Variants in TGIF1 observed in about 807,000 individuals in gnomAD.
TGIF1 encodes the protein homeobox protein TGIF1.
In TGIF1, 4 loss-of-function variants were observed where a neutral mutation model predicts 19.3. That is an observed-to-expected ratio of 0.21 (90% CI 0.10 to 0.47). The LOEUF is 0.47. TGIF1 is among the 20% of genes least tolerant of loss of function. The pLI, the probability that TGIF1 is intolerant of heterozygous loss-of-function variation, is 0.98. For synonymous variants in TGIF1, 122 were observed against 129.3 expected (o/e 0.94, Z 0.38); for missense variants, 275 against 341.4 (o/e 0.81, Z 1.53).
chr18:3,429,608 A>G (rs1204811369), intron 2 of TGIF1, among the ~76,000 whole-genome samples: 1 of 152,256 alleles, frequency 6.6e-6, no homozygotes, highest in Non-Finnish European at 1.5e-5. Context: ...TTTATGTACA[A>G]TGAAATGTGT....
At chr18:3,449,975 G>C, upstream of TGIF1, 1 of 987,872 alleles carries the variant, frequency 1.0e-6, no homozygotes, top group Non-Finnish European at 1.2e-6. Flanking sequence ...AAAGGATCGT[G>C]TTTCTGGACC....
rs954498803 is a variant in TGIF1 at position 3,451,629 on chromosome 18, T to C, written c.16+1124T>C. 5 of 1,102,814 alleles carry C rather than the reference T, an allele frequency of 4.5e-6. No individual in the cohort carries two copies. The highest frequency in any genetic ancestry group is 1.6e-5 in the African/African-American group (1 of 61,268). 68.3% of individuals were successfully genotyped at this position (1,102,814 alleles called of 1,614,324 possible). A position where few individuals can be genotyped will look rare whatever the true frequency, so the allele number is the denominator to read the frequency against. ...GACCCGGCCCGCTGCGGGGCGTTCC[T>C]GGGGGGTAGCCTCAAGGCCAGCGGG... On this transcript the variant is annotated intron_variant, in intron 1 of 2. Coordinates refer to ENST00000343820, the MANE Select transcript of TGIF1 (RefSeq NM_003244.4). The surrounding 1 kb of genome is among the most constrained non-coding windows in gnomAD (Gnocchi z 5.4).
chr18:3,431,830 C>A (rs940523616), intron 2 of TGIF1, among the ~76,000 whole-genome samples: 40 of 152,142 alleles, frequency 2.6e-4, no homozygotes, highest in African/African-American at 9.2e-4. Flanking sequence ...TCACGTGCCA[C>A]CTAATAAAAT....
At chr18:3,432,360 A>G (rs2082560163) in intron 2 of TGIF1, among the ~76,000 whole-genome samples, 1 of 152,178 alleles carries the variant, frequency 6.6e-6, no homozygotes. Flanking sequence ...TACTCAATAC[A>G]GTGCGTGATC....
At position 3,456,910 on chromosome 18, in the gene TGIF1, G is replaced by A. The variant is rs776618638; in HGVS notation, c.243+330G>A. 5.0e-6 allele frequency: 3 copies of A among 598,148 alleles called. No homozygotes were observed. The highest frequency in any genetic ancestry group is 5.9e-6 in the Non-Finnish European group (2 of 339,006). 37.1% of individuals were successfully genotyped at this position (598,148 alleles called of 1,614,324 possible). Reference sequence around the variant, plus strand: ...GGACGACTTCAGTGAGGTAATTCATGTTATGTCTGTTGACACAGTCATTTG... The same window carrying A: ...GGACGACTTCAGTGAGGTAATTCATATTATGTCTGTTGACACAGTCATTTG... On this transcript the variant is annotated intron_variant, in intron 2 of 2. Transcript: ENST00000343820. This position sits in a 1 kb window ranked among gnomAD's most constrained non-coding sequence, Gnocchi z 4.2.
intron 2 of TGIF1, among the ~76,000 whole-genome samples, chr18:3,435,678 T>C (rs1364225363): frequency 6.6e-6 from 1 of 152,198 alleles, no homozygotes; most frequent in Non-Finnish European, 1.5e-5. Flanking sequence ...ATTCCTTCTG[T>C]AGCTGTCAAG....
At chr18:3,417,743 T>C (rs1429472388) in intron 1 of TGIF1, among the ~76,000 whole-genome samples, 1 of 152,212 alleles carries the variant, frequency 6.6e-6, no homozygotes, top group Admixed American at 6.5e-5. Context: ...TTATATTTCT[T>C]CTTTCTGTTC....
At position 3,451,431 on chromosome 18, in the gene TGIF1, C is replaced by T. The variant is rs955243813; in HGVS notation, c.16+926C>T. On this transcript the variant is annotated intron_variant, in intron 1 of 2. Coordinates refer to ENST00000343820, the MANE Select transcript of TGIF1 (RefSeq NM_003244.4). The surrounding 1 kb of genome is among the most constrained non-coding windows in gnomAD (Gnocchi z 5.4). ...TTTTGAAGTTAACAAAAATTGAGTCCCTGGCTGGGAGGTCCCCCGAGTGTT... is the reference window on the plus strand; with the variant it reads ...TTTTGAAGTTAACAAAAATTGAGTCTCTGGCTGGGAGGTCCCCCGAGTGTT... 3.0e-6 allele frequency: 3 copies of T among 985,288 alleles called. No homozygotes were observed. The African/African-American group carries it at 5.2e-5, about 17-fold the overall frequency. 61.0% of individuals were successfully genotyped at this position (985,288 alleles called of 1,614,324 possible).
At chr18:3,415,074 C>T (rs2082313906) in intron 1 of TGIF1, 1 of 153,900 alleles carries the variant, frequency 6.5e-6, no homozygotes. Context: ...ACCCCTGTCA[C>T]CACCTCTGTC....
intron 2 of TGIF1, among the ~76,000 whole-genome samples, chr18:3,443,721 T>C (rs986766200): frequency 1.3e-5 from 2 of 151,870 alleles, no homozygotes; most frequent in African/African-American, 2.4e-5. Flanking sequence ...GAATTCACCA[T>C]GGGGTTTCAC....
chr18:3,415,519 G>A (rs1482152290), intron 1 of TGIF1: 1 of 444,590 alleles, frequency 2.2e-6, no homozygotes, highest in Non-Finnish European at 4.5e-6. Context: ...GACAGCAATG[G>A]TGCCAGCACC....
At chr18:3,415,799 G>C (rs2082324825) in intron 1 of TGIF1, among the ~76,000 whole-genome samples, 1 of 152,164 alleles carries the variant, frequency 6.6e-6, no homozygotes, top group Admixed American at 6.5e-5. Context: ...GCTGCCATTT[G>C]GTCAGCCTGT....
At chr18:3,449,713 G>A (rs1160074769), upstream of TGIF1, 7 of 985,320 alleles carry the variant, frequency 7.1e-6, no homozygotes, top group East Asian at 1.1e-4. Context: ...AATCAGAGGC[G>A]GCTGTCTCGT....
At chr18:3,453,093 A>T (rs1008821418) in intron 1 of TGIF1, among the ~76,000 whole-genome samples, 2 of 151,466 alleles carry the variant, frequency 1.3e-5, no homozygotes, top group Admixed American at 1.3e-4. Context: ...TCCCAAGGAG[A>T]TACTGATTTT....
In TGIF1 at chr18:3,457,476, G is replaced by C. The variant is rs890786904; in HGVS notation, c.355G>C (p.Glu119Gln). 2 of 1,614,102 alleles carry C rather than the reference G, an allele frequency of 1.2e-6. No individual in the cohort carries two copies. The highest frequency in any genetic ancestry group is 1.7e-6 in the Non-Finnish European group (2 of 1,180,044). ...TTCCCGCCGTGGGGCCAAGATTTCT[G>C]AAACGAGCTCTGTGGAGTCCGTGAT... ...TISRRGAKIS[E>Q]TSSVESVMGI... The change falls in exon 3 of 3, where the codon GAA becomes CAA. Residue 119 changes from glutamate (E) to glutamine (Q), a missense_variant. Transcript: ENST00000343820. The surrounding 1 kb of genome is among the most constrained non-coding windows in gnomAD (Gnocchi z 4.9).
intron 2 of TGIF1, among the ~76,000 whole-genome samples, chr18:3,433,074 T>TTC (rs1491420769): frequency 3.8e-4 from 51 of 134,042 alleles, no homozygotes; most frequent in African/African-American, 1.3e-3. Flanking sequence ...CTTCTTCTTC[T>TTC]TTTTTTTTTT....
chr18:3,441,028 G>A (rs2082672769), intron 2 of TGIF1, among the ~76,000 whole-genome samples: 1 of 152,100 alleles, frequency 6.6e-6, no homozygotes, highest in Admixed American at 6.6e-5. Context: ...CTTTATTGTT[G>A]TAATGACAGA....
intron 2 of TGIF1, among the ~76,000 whole-genome samples, chr18:3,424,929 T>C (rs1008968626): frequency 3.9e-5 from 6 of 152,280 alleles, no homozygotes; most frequent in African/African-American, 1.2e-4. Context: ...CTAATATCCT[T>C]TATAATAAAC....
intron 2 of TGIF1, among the ~76,000 whole-genome samples, chr18:3,433,038 C>T (rs367734372): frequency 3.2e-4 from 48 of 151,822 alleles, no homozygotes; most frequent in African/African-American, 7.7e-4. Flanking sequence ...GGATTACTGG[C>T]GTGAGCCACT....
Sources: gnomAD v4.1 joint callset for allele counts (sites outside exome capture counted in the v4.1 genomes callset) on GRCh38, gnomAD v4.1.1 for gene constraint, Gnocchi (gnomAD v3.1) non-coding constraint, MANE v1.5 for transcripts, NCBI Gene and HGNC (gene_info 2026-07-23, HGNC 2026-07-21) for gene names.